Variants in MORC3 observed in about 807,000 individuals in gnomAD.
The protein encoded by MORC3 is MORC family CW-type zinc finger protein 3.
MORC3 carries 31 observed loss-of-function variants against 109.1 expected under a neutral mutation model. The ratio of observed to expected loss-of-function variants is 0.28; its 90% CI spans 0.21 to 0.38. The LOEUF is 0.38. Ranked by LOEUF, MORC3 falls within the 10% of genes least tolerant of loss-of-function variation. The probability of loss-of-function intolerance (pLI) is 1.00; values close to 1 mark genes in which losing one functional copy is unlikely to be tolerated. For missense variants in MORC3, 867 were observed against 1,135.8 expected, an observed-to-expected ratio of 0.76 and a Z score of 3.40; for synonymous variants, 395 against 380.7, an observed-to-expected ratio of 1.04 and a Z score of -0.44.
intron 5 of MORC3, 107 bp downstream of exon 5, chr21:36,339,028 A>T: frequency 1.5e-6 from 2 of 1,297,234 alleles, no homozygotes; most frequent in Non-Finnish European, 2.1e-6. Context: ...ATGGAAAGGT[A>T]CTCATTTTTT....
At chr21:36,336,689 TTTATTTTCATGTTTTTAAATC>T (rs2085379686) in intron 2 of MORC3, among the ~76,000 whole-genome samples, 164 bp from the exon 3 acceptor site, 1 of 152,238 alleles carries the variant, frequency 6.6e-6, no homozygotes, top group Admixed American at 6.5e-5. Flanking sequence ...CAGGATGCAG[TTTATTTTCATGTTTTTAAATC>T]TTATTTTCAT....
Position 36,320,254 on chromosome 21 carries a change from G to C in MORC3, c.-11G>C. On this transcript the variant is annotated 5_prime_UTR_variant, in exon 1 of 17. Transcript: ENST00000400485. ...GGCGGAGGCCGTTCCTGGCTTTGTA[G>C]CTCGCTCAAGATGGCGGCGCAGCCA... The C allele has an allele frequency of 6.3e-7, 1 of 1,581,074 alleles. No homozygotes were observed. Among genetic ancestry groups the C allele is most frequent in the Non-Finnish European group, 8.6e-7 (1 of 1,165,076 alleles).
At chr21:36,335,602 C>T (rs142048277) in intron 2 of MORC3, among the ~76,000 whole-genome samples, 58 of 152,248 alleles carry the variant, frequency 3.8e-4, no homozygotes, top group Middle Eastern at 3.4e-3. Context: ...AGGCATGAGC[C>T]GCTGCGCCCA....
intron 13 of MORC3, among the ~76,000 whole-genome samples, chr21:36,362,466 C>T (rs180992683): frequency 1.3e-5 from 2 of 152,100 alleles, no homozygotes; most frequent in Admixed American, 1.3e-4. Context: ...TTGCTTGAAC[C>T]TGGGAGGTAG....
At position 36,360,048 on chromosome 21, in the gene MORC3, T is replaced by A; in HGVS notation, c.1302T>A (p.Tyr434Ter). ...TGGATCAACTTCCTGAAAAATGGTA[T>A]TGCTCCAATAACCCTGACCCACAGT... ...DGMDQLPEKW[Y>*]CSNNPDPQFR... The change falls in exon 11 of 17, where the codon TAT (tyrosine) becomes TAA (stop). Residue 434 changes from tyrosine to a stop codon, truncating the protein, a stop_gained. Coordinates refer to ENST00000400485, the MANE Select transcript of MORC3 (RefSeq NM_015358.3). LOFTEE classifies it high-confidence loss of function. The A allele has an allele frequency of 6.2e-7, 1 of 1,614,196 alleles. No homozygotes were observed. Among genetic ancestry groups the A allele is most frequent in the South Asian group, 1.1e-5 (1 of 91,086 alleles).
Position 36,344,600 on chromosome 21 carries a change from C to T in MORC3, c.778C>T (p.Leu260=), listed in dbSNP as rs1368951888. 2.5e-6 allele frequency: 4 copies of T among 1,613,826 alleles called. No homozygotes were observed. Among genetic ancestry groups the T allele is most frequent in the Non-Finnish European group, 2.5e-6 (3 of 1,179,952 alleles). Residue 260 remains leucine (L), a synonymous_variant, in exon 7 of 17, where the codon CTA becomes TTA. Transcript: ENST00000400485. The part of the protein sequence containing the change: ...SLRAYCSILY[L]KPRMQIILRG... ...CCAGGCTTATTGCAGTATATTATAT[C>T]TAAAGCCAAGAATGCAGATCATCCT...
chr21:36,326,060 A>C (rs991731757), intron 1 of MORC3, among the ~76,000 whole-genome samples: 8 of 149,912 alleles, frequency 5.3e-5, no homozygotes, highest in Non-Finnish European at 1.2e-4. Flanking sequence ...TACAAAAATT[A>C]TTTGGGCATG....
chr21:36,350,253 A>G (rs2085555543), intron 9 of MORC3, among the ~76,000 whole-genome samples: 1 of 152,088 alleles, frequency 6.6e-6, no homozygotes, highest in Non-Finnish European at 1.5e-5. Context: ...GTGTGCAGTG[A>G]GCCAAGATGG....
At chr21:36,364,500 G>A (rs2085755777) in intron 14 of MORC3, among the ~76,000 whole-genome samples, 1 of 152,046 alleles carries the variant, frequency 6.6e-6, no homozygotes, top group Admixed American at 6.6e-5. Flanking sequence ...TGGCCAACAT[G>A]GCAAAACCCC....
intron 15 of MORC3, 47 bp from the exon 16 acceptor site, chr21:36,372,327 G>T: frequency 6.9e-7 from 1 of 1,452,212 alleles, no homozygotes; most frequent in South Asian, 1.5e-5. Context: ...TTTGCCATTA[G>T]TATTTTTAAG....
In MORC3 at chr21:36,338,990, C is replaced by T. The variant is rs186654149; in HGVS notation, c.608+69C>T. 455 of 1,524,556 alleles carry T rather than the reference C, an allele frequency of 3.0e-4. 1 individual carries two copies. The highest frequency in any genetic ancestry group is 3.7e-4 in the Non-Finnish European group (409 of 1,105,664). The allele number at this position is 1,524,556 out of a possible 1,614,324, so 94.4% of individuals were successfully genotyped here. On this transcript the variant is annotated intron_variant, in intron 5 of 16. Transcript: ENST00000400485. Reference sequence around the variant, plus strand: ...ACGTGCAGGGTGGTGGTGTTATATTCATCTCTCGTTACACACAGTAGAAAT... The same window carrying T: ...ACGTGCAGGGTGGTGGTGTTATATTTATCTCTCGTTACACACAGTAGAAAT...
At chr21:36,374,868 C>T (rs1275223814) in intron 16 of MORC3, among the ~76,000 whole-genome samples, 1 of 152,112 alleles carries the variant, frequency 6.6e-6, no homozygotes, top group African/African-American at 2.4e-5. Flanking sequence ...GTCAGGGTTT[C>T]ACCATGTTGG....
intron 10 of MORC3, among the ~76,000 whole-genome samples, chr21:36,357,746 GT>G (rs569430564): frequency 5.6e-4 from 78 of 139,664 alleles, no homozygotes; most frequent in African/African-American, 1.5e-3. Context: ...TTTTTTTTTG[GT>G]TTTTTTTTTT....
Position 36,375,360 on chromosome 21 carries a change from A to C in MORC3, c.*64A>C. The C allele has an allele frequency of 1.4e-6, 2 of 1,433,962 alleles. No homozygotes were observed. Among genetic ancestry groups the C allele is most frequent in the Non-Finnish European group, 1.9e-6 (2 of 1,055,588 alleles). The allele number at this position is 1,433,962 out of a possible 1,614,324, so 88.8% of individuals were successfully genotyped here. ...TTTGGTTGTACAGCTTTCAAAATAT[A>C]ATTAATTTTGTTTTATAGATATGAT... On this transcript the variant is annotated 3_prime_UTR_variant, in exon 17 of 17. Coordinates refer to ENST00000400485, the MANE Select transcript of MORC3 (RefSeq NM_015358.3).
At chr21:36,327,276 C>T (rs2085259774) in intron 1 of MORC3, among the ~76,000 whole-genome samples, 1 of 149,174 alleles carries the variant, frequency 6.7e-6, no homozygotes, top group Admixed American at 6.8e-5. Flanking sequence ...CCTGCCACAG[C>T]CTCCTGAGTA....
chr21:36,363,963 A>G, intron 13 of MORC3, 130 bp from the exon 14 acceptor site: 4 of 988,484 alleles, frequency 4.0e-6, no homozygotes, highest in Non-Finnish European at 5.9e-6. Flanking sequence ...GTATAGCACA[A>G]GGAATTTACA....
intron 2 of MORC3, 61 bp downstream of exon 2, chr21:36,333,779 G>GT: frequency 8.5e-7 from 1 of 1,178,170 alleles, no homozygotes; most frequent in African/African-American, 1.8e-5. Context: ...TTTTTTTTTT[G>GT]TTTTGTTTTG....
At chr21:36,374,546 G>C (rs2085907663) in intron 16 of MORC3, among the ~76,000 whole-genome samples, 1 of 152,128 alleles carries the variant, frequency 6.6e-6, no homozygotes, top group South Asian at 2.1e-4. Flanking sequence ...TGTAATCCCA[G>C]CACTCTGAGG....
intron 13 of MORC3, among the ~76,000 whole-genome samples, chr21:36,363,074 T>C (rs1056356558): frequency 6.6e-5 from 10 of 152,028 alleles, no homozygotes; most frequent in African/African-American, 2.4e-4. Context: ...TTTGGTTGAG[T>C]ATAGATTCTC....
Sources: allele counts gnomAD v4.1 joint callset (sites outside exome capture counted in the v4.1 genomes callset), GRCh38; gene constraint gnomAD v4.1.1; transcripts MANE v1.5; gene names NCBI Gene and HGNC (gene_info 2026-07-23, HGNC 2026-07-21).